Variants in NEMP2 observed in about 807,000 individuals in gnomAD.
NEMP2 encodes nuclear envelope integral membrane protein 2.
A neutral mutation model predicts 54.2 loss-of-function variants in NEMP2; 53 were observed. That is an observed-to-expected ratio of 0.98 (90% CI 0.78 to 1.23). The LOEUF is 1.23. Among genes scored for constraint, NEMP2 ranks in the 50% most tolerant of loss-of-function variants. The pLI, the probability that NEMP2 is intolerant of heterozygous loss-of-function variation, is 0.00. For synonymous variants in NEMP2, 197 were observed against 190.3 expected (o/e 1.04, Z -0.29); for missense variants, 455 against 511.3 (o/e 0.89, Z 1.06).
the NEMP2 span, among the ~76,000 whole-genome samples, chr2:190,541,431 G>C: frequency 6.6e-6 from 1 of 152,016 alleles, no homozygotes; most frequent in Non-Finnish European, 1.5e-5. This position sits in a 1 kb window ranked among gnomAD's most constrained non-coding sequence, Gnocchi z 5.2. Flanking sequence ...TGTTGTATTT[G>C]TACTTTCATT....
chr2:190,490,558 C>T, the NEMP2 span, among the ~76,000 whole-genome samples: 1 of 147,788 alleles, frequency 6.8e-6, no homozygotes, highest in Non-Finnish European at 1.5e-5. This position sits in a 1 kb window ranked among gnomAD's most constrained non-coding sequence, Gnocchi z 4.5. Context: ...GCAAGACTCC[C>T]TCTCAAAAAA....
the NEMP2 span, among the ~76,000 whole-genome samples, chr2:190,614,819 A>G: frequency 6.6e-6 from 1 of 152,214 alleles, no homozygotes; most frequent in Non-Finnish European, 1.5e-5. This position sits in a 1 kb window ranked among gnomAD's most constrained non-coding sequence, Gnocchi z 5.7. Context: ...AAATGGCTTA[A>G]CAAGGCCAGA....
chr2:190,532,860 T>C (rs1165297617), intron 1 of NEMP2, among the ~76,000 whole-genome samples: 4 of 152,208 alleles, frequency 2.6e-5, no homozygotes, highest in Non-Finnish European at 5.9e-5. Flanking sequence ...ACAGTCCGTA[T>C]TGGAAAGCCT....
the NEMP2 span, among the ~76,000 whole-genome samples, chr2:190,425,217 C>T: frequency 6.6e-6 from 1 of 152,144 alleles, no homozygotes; most frequent in Non-Finnish European, 1.5e-5. This position sits in a 1 kb window ranked among gnomAD's most constrained non-coding sequence, Gnocchi z 4.3. Context: ...GCTGAACTCA[C>T]TTATTAGTTC....
At chr2:190,451,275 G>A in the NEMP2 span, among the ~76,000 whole-genome samples, 1 of 152,092 alleles carries the variant, frequency 6.6e-6, no homozygotes, top group Non-Finnish European at 1.5e-5. The surrounding 1 kb of genome is among the most constrained non-coding windows in gnomAD (Gnocchi z 5.0). Context: ...TTGGTAAAAC[G>A]GGGCAATAAT....
the NEMP2 span, chr2:190,609,126 A>G: frequency 6.6e-6 from 1 of 152,172 alleles, no homozygotes; most frequent in Non-Finnish European, 1.5e-5. This position sits in a 1 kb window ranked among gnomAD's most constrained non-coding sequence, Gnocchi z 4.7. Context: ...TTCTGTAACC[A>G]GTTACAGGGA....
the NEMP2 span, chr2:190,436,816 A>T: frequency 6.2e-7 from 1 of 1,614,096 alleles, no homozygotes; most frequent in Non-Finnish European, 8.5e-7. The surrounding 1 kb of genome is among the most constrained non-coding windows in gnomAD (Gnocchi z 5.3). Context: ...AACCACTGTT[A>T]TTGTTACCAC....
In NEMP2 at chr2:190,508,227, A is replaced by G. The variant is rs1690241756; in HGVS notation, c.*962T>C. ...CTAATCCTTACGTATGTATATAAAA[A>G]TCTTACGTATGTATAAAAAACTTTA... On this transcript the variant is annotated 3_prime_UTR_variant, in exon 9 of 9. Transcript: ENST00000409150. The surrounding 1 kb of genome is among the most constrained non-coding windows in gnomAD (Gnocchi z 4.3). 6.6e-6 allele frequency: 1 copy of G among 152,252 alleles called. No individual in the cohort carries two copies. The highest frequency in any genetic ancestry group is 2.1e-4 in the South Asian group (1 of 4,838). 9.4% of individuals were successfully genotyped at this position (152,252 alleles called of 1,614,324 possible).
At chr2:190,569,238 A>G in the NEMP2 span, among the ~76,000 whole-genome samples, 1 of 152,208 alleles carries the variant, frequency 6.6e-6, no homozygotes, top group African/African-American at 2.4e-5. Flanking sequence ...ATGACAATAT[A>G]TGTATTTTTG....
At chr2:190,579,281 A>G in the NEMP2 span, among the ~76,000 whole-genome samples, 2 of 151,658 alleles carry the variant, frequency 1.3e-5, no homozygotes, top group African/African-American at 4.8e-5. Context: ...ATAATTTTAA[A>G]GACACATGGG....
In NEMP2 at chr2:190,534,688, C is replaced by T. The variant is rs769773663; in HGVS notation, c.-33G>A. ...GGGGTCAGCTCCGTGCGACCCGAGC[C>T]CTAGGGGACCGGCTCCGCTGCGAGG... On this transcript the variant is annotated 5_prime_UTR_variant, in exon 1 of 9. Transcript: ENST00000409150. 3.4e-5 allele frequency: 42 copies of T among 1,246,096 alleles called. 2 individuals carry two copies. The South Asian group carries it at 1.2e-3, about 36-fold the overall frequency. 77.2% of individuals were successfully genotyped at this position (1,246,096 alleles called of 1,614,324 possible).
At chr2:190,441,815 C>G in the NEMP2 span, among the ~76,000 whole-genome samples, 107 of 152,220 alleles carry the variant, frequency 7.0e-4, no homozygotes, top group African/African-American at 2.4e-3. Context: ...AACATTCTCT[C>G]CTCTCTTTAT....
chr2:190,478,599 G>A, the NEMP2 span, among the ~76,000 whole-genome samples: 14 of 152,256 alleles, frequency 9.2e-5, no homozygotes, highest in South Asian at 2.9e-3. Context: ...AGTAAGGCAG[G>A]ACATGATTAA....
chr2:190,587,628 C>T, the NEMP2 span, among the ~76,000 whole-genome samples: 2 of 152,018 alleles, frequency 1.3e-5, no homozygotes, highest in Admixed American at 6.6e-5. This position sits in a 1 kb window ranked among gnomAD's most constrained non-coding sequence, Gnocchi z 5.4. Context: ...AGTCCACAAG[C>T]CTATTAATAG....
the NEMP2 span, among the ~76,000 whole-genome samples, chr2:190,585,658 A>C: frequency 2.6e-5 from 4 of 152,272 alleles, no homozygotes; most frequent in Admixed American, 6.5e-5. This position sits in a 1 kb window ranked among gnomAD's most constrained non-coding sequence, Gnocchi z 5.3. Context: ...AAGAGTATAG[A>C]GTTTTGGTCA....
chr2:190,546,642 A>C, the NEMP2 span, among the ~76,000 whole-genome samples: 25,523 of 152,110 alleles, frequency 0.17, 2,304 homozygotes, highest in Middle Eastern at 0.22. This position sits in a 1 kb window ranked among gnomAD's most constrained non-coding sequence, Gnocchi z 5.1. Context: ...TATTTGGTAC[A>C]TTTCAGTTAC....
In NEMP2 at chr2:190,517,571, A is replaced by G. The variant is rs976108076; in HGVS notation, c.561T>C (p.Val187=). 6.4e-7 allele frequency: 1 copy of G among 1,551,144 alleles called. No individual in the cohort carries two copies. Among genetic ancestry groups the G allele is most frequent in the African/African-American group, 1.4e-5 (1 of 73,110 alleles). ...FYYSSGTVLG[V]LMTLVFVLLL... Reference sequence around the variant, plus strand: ...GCAAGACAAAGACTAATGTCATTAGAACACCTAGCACAGTTCCCGAGGAGT... The same window carrying G: ...GCAAGACAAAGACTAATGTCATTAGGACACCTAGCACAGTTCCCGAGGAGT... The change falls in exon 5 of 9, where the codon GTT becomes GTC. Residue 187 remains valine (V), a synonymous_variant. Coordinates refer to ENST00000409150, the MANE Select transcript of NEMP2 (RefSeq NM_001142645.2).
chr2:190,431,259 G>A, the NEMP2 span, among the ~76,000 whole-genome samples: 4 of 151,596 alleles, frequency 2.6e-5, no homozygotes, highest in South Asian at 8.4e-4. The surrounding 1 kb of genome is among the most constrained non-coding windows in gnomAD (Gnocchi z 4.4). Flanking sequence ...CCTCCCAGAG[G>A]ATGGGCGGCC....
chr2:190,432,722 C>G, the NEMP2 span, among the ~76,000 whole-genome samples: 2 of 152,074 alleles, frequency 1.3e-5, no homozygotes, highest in African/African-American at 4.8e-5. Context: ...TGGCCAAAAT[C>G]TCTGTGTTTT....
Sources: allele counts gnomAD v4.1 joint callset (sites outside exome capture counted in the v4.1 genomes callset), GRCh38; gene constraint gnomAD v4.1.1; non-coding constraint Gnocchi (gnomAD v3.1); transcripts MANE v1.5; gene names NCBI Gene and HGNC (gene_info 2026-07-23, HGNC 2026-07-21).